Variants in RBFOX1 observed in about 807,000 individuals in gnomAD.
The protein encoded by RBFOX1 is RNA binding protein fox-1 homolog 1.
In RBFOX1, 8 loss-of-function variants were observed where a neutral mutation model predicts 57.7. The ratio of observed to expected loss-of-function variants is 0.14; its 90% CI spans 0.08 to 0.25. The LOEUF is 0.25. Among genes scored for constraint, RBFOX1 ranks in the 10% least tolerant of loss-of-function variants. The pLI is 1.00. For synonymous variants in RBFOX1, 326 were observed against 222.4 expected (o/e 1.47, Z -4.15); for missense variants, 611 against 548.5 (o/e 1.11, Z -1.14).
chr16:5,297,708 G>T (rs374881571), intron 1 of RBFOX1, among the ~76,000 whole-genome samples: 6 of 152,250 alleles, frequency 3.9e-5, no homozygotes, highest in East Asian at 1.9e-4. Flanking sequence ...TTCATTGAAG[G>T]AGTTTAGACT....
intron 3 of RBFOX1, among the ~76,000 whole-genome samples, chr16:5,776,278 C>G (rs1221064643): frequency 6.6e-6 from 1 of 152,222 alleles, no homozygotes; most frequent in Non-Finnish European, 1.5e-5. Context: ...GTACCCCATT[C>G]TGGGGAAGTG....
At chr16:5,499,761 G>C (rs1216245635) in intron 2 of RBFOX1, among the ~76,000 whole-genome samples, 1 of 151,820 alleles carries the variant, frequency 6.6e-6, no homozygotes, top group African/African-American at 2.4e-5. Context: ...TTAGTAGAAA[G>C]GGGGTTTCAC....
At chr16:5,705,457 C>T (rs911275683) in intron 3 of RBFOX1, among the ~76,000 whole-genome samples, 2 of 152,068 alleles carry the variant, frequency 1.3e-5, no homozygotes, top group Admixed American at 1.3e-4. Flanking sequence ...AGAAGGGGTT[C>T]TCACTATATT....
At chr16:5,603,811 A>C (rs79714713), downstream of RBFOX1, among the ~76,000 whole-genome samples, 2 of 152,174 alleles carry the variant, frequency 1.3e-5, no homozygotes, top group Non-Finnish European at 2.9e-5. Context: ...ACTTGCAGGT[A>C]CATGTTTCCT....
chr16:6,907,477 G>A (rs1393715830), intron 3 of RBFOX1, among the ~76,000 whole-genome samples: 2 of 152,200 alleles, frequency 1.3e-5, no homozygotes, highest in Non-Finnish European at 2.9e-5. Flanking sequence ...CTAGAAGTGT[G>A]AGATCAAGAT....
At chr16:6,176,143 A>G (rs2097005602) in intron 1 of RBFOX1, among the ~76,000 whole-genome samples, 3 of 151,606 alleles carry the variant, frequency 2.0e-5, no homozygotes, top group Admixed American at 2.0e-4. Context: ...CATCATTAGT[A>G]ATTTATTTAT....
chr16:7,696,526 T>TGCAGTCCGACCTGGGC (rs2078850933), intron 14 of RBFOX1, among the ~76,000 whole-genome samples: 1 of 146,884 alleles, frequency 6.8e-6, no homozygotes, highest in African/African-American at 2.7e-5. Flanking sequence ...GCAAGTTACT[T>TGCAGTCCGACCTGGGC]AATCAGTGAC....
chr16:6,870,463 T>C (rs945391587), intron 3 of RBFOX1, among the ~76,000 whole-genome samples: 2 of 152,218 alleles, frequency 1.3e-5, no homozygotes, highest in African/African-American at 4.8e-5. Flanking sequence ...GACACACGTC[T>C]GGCTAGCTTC....
intron 2 of RBFOX1, among the ~76,000 whole-genome samples, chr16:6,473,179 T>G (rs772863162): frequency 8.5e-5 from 13 of 152,162 alleles, no homozygotes; most frequent in Non-Finnish European, 1.2e-4. Flanking sequence ...TTATCCTGAA[T>G]CTTTGTTTTC....
intron 4 of RBFOX1, among the ~76,000 whole-genome samples, chr16:7,183,656 A>G (rs73538620): frequency 0.02 from 3,033 of 152,300 alleles, 100 homozygotes; most frequent in African/African-American, 0.069. Context: ...ATGTATGAGA[A>G]TACAGAACCA....
At chr16:5,701,793 G>C (rs1254844784) in intron 3 of RBFOX1, among the ~76,000 whole-genome samples, 1 of 152,134 alleles carries the variant, frequency 6.6e-6, no homozygotes, top group South Asian at 2.1e-4. Context: ...TGGCATCCTT[G>C]AAAAATAGGT....
chr16:7,076,720 C>G (rs911909487), intron 4 of RBFOX1, among the ~76,000 whole-genome samples: 1 of 152,130 alleles, frequency 6.6e-6, no homozygotes, highest in Admixed American at 6.5e-5. Flanking sequence ...CATTTCTAAC[C>G]AAGATGTTCA....
At chr16:5,837,915 C>T (rs530130304) in intron 3 of RBFOX1, among the ~76,000 whole-genome samples, 12 of 152,144 alleles carry the variant, frequency 7.9e-5, no homozygotes, top group East Asian at 5.8e-4. Context: ...GTAGGTTGGG[C>T]GCTTGGAGAA....
chr16:5,495,765 A>C (rs1052266696), intron 2 of RBFOX1, among the ~76,000 whole-genome samples: 11 of 152,250 alleles, frequency 7.2e-5, no homozygotes, highest in African/African-American at 2.7e-4. Context: ...GGGTGGCAGC[A>C]CAATTCTGAG....
At chr16:6,658,418 A>G (rs1186635238) in intron 3 of RBFOX1, among the ~76,000 whole-genome samples, 1 of 152,066 alleles carries the variant, frequency 6.6e-6, no homozygotes, top group Non-Finnish European at 1.5e-5. Context: ...CATGTTGGCC[A>G]GGATGATCTT....
At chr16:5,628,742 A>G (rs934055866) in intron 3 of RBFOX1, among the ~76,000 whole-genome samples, 1 of 152,220 alleles carries the variant, frequency 6.6e-6, no homozygotes, top group Non-Finnish European at 1.5e-5. Flanking sequence ...TTCACCTGCC[A>G]AGTTCCAAGG....
chr16:6,373,345 C>A (rs575604572), intron 2 of RBFOX1, among the ~76,000 whole-genome samples: 4 of 141,176 alleles, frequency 2.8e-5, no homozygotes, highest in African/African-American at 8.1e-5. Flanking sequence ...AATGGAGATT[C>A]GGCGGAAGAG....
intron 2 of RBFOX1, among the ~76,000 whole-genome samples, chr16:6,603,909 C>T (rs1324912840): frequency 1.3e-5 from 2 of 152,024 alleles, no homozygotes; most frequent in Non-Finnish European, 2.9e-5. Flanking sequence ...TGATGTGTCT[C>T]AGCTCTGGGG....
chr16:7,066,597 C>G (rs1026641296), intron 4 of RBFOX1, among the ~76,000 whole-genome samples: 1 of 152,144 alleles, frequency 6.6e-6, no homozygotes, highest in Non-Finnish European at 1.5e-5. Context: ...TTGACCCTGA[C>G]TCATAAAGCG....
Sources: gnomAD v4.1 joint callset for allele counts (sites outside exome capture counted in the v4.1 genomes callset) on GRCh38, gnomAD v4.1.1 for gene constraint, MANE v1.5 for transcripts, NCBI Gene and HGNC (gene_info 2026-07-23, HGNC 2026-07-21) for gene names.